The following NGF variants were observed in gnomAD, a reference collection of about 807,000 sequenced individuals.
NGF encodes beta-nerve growth factor.
A neutral mutation model predicts 12.8 loss-of-function variants in NGF; 4 were observed. The ratio of observed to expected loss-of-function variants is 0.31; its 90% CI spans 0.15 to 0.72. The LOEUF is 0.72. Ranked by LOEUF, NGF falls within the 30% of genes least tolerant of loss-of-function variation. NGF has a pLI of 0.69. For missense variants in NGF, 283 were observed against 330.8 expected (o/e 0.86, Z 1.12); for synonymous variants, 140 against 130.0 (o/e 1.08, Z -0.52).
At chr1:115,302,899 C>G (rs896839628) in intron 1 of NGF, among the ~76,000 whole-genome samples, 1 of 152,164 alleles carries the variant, frequency 6.6e-6, no homozygotes, top group African/African-American at 2.4e-5. Flanking sequence ...TGTGAGGATG[C>G]TTTTCCCCTT....
intron 1 of NGF, among the ~76,000 whole-genome samples, chr1:115,296,409 G>C (rs1237371160): frequency 6.6e-6 from 1 of 152,226 alleles, no homozygotes; most frequent in Non-Finnish European, 1.5e-5. Context: ...CTACAAGCTA[G>C]GATGGCCTCC....
intron 2 of NGF, among the ~76,000 whole-genome samples, chr1:115,287,136 C>T (rs558195452): frequency 2.0e-5 from 3 of 152,114 alleles, no homozygotes; most frequent in Non-Finnish European, 4.4e-5. Context: ...AAGCTTAAGG[C>T]GGCTGAGGGA....
intron 1 of NGF, among the ~76,000 whole-genome samples, chr1:115,329,645 T>A (rs4839028): frequency 5.8e-4 from 89 of 152,202 alleles, no homozygotes; most frequent in Middle Eastern, 3.4e-3. Flanking sequence ...TATTAATTTT[T>A]GAAAATGTTA....
chr1:115,309,506 A>G (rs1654287249), intron 1 of NGF, among the ~76,000 whole-genome samples: 1 of 152,194 alleles, frequency 6.6e-6, no homozygotes, highest in Admixed American at 6.5e-5. Context: ...TACACGTGCC[A>G]TGGTGGTTTG....
At position 115,286,265 on chromosome 1, in the gene NGF, G is replaced by C. The variant is rs1224585204; in HGVS notation, c.531C>G (p.Thr177=). 1.9e-6 allele frequency: 3 copies of C among 1,614,144 alleles called. No individual in the cohort carries two copies. In the East Asian group the frequency reaches 6.7e-5, roughly 36 times the overall value. ...NSVFKQYFFE[T]KCRDPNPVDS... ...CAACGGGATTTGGGTCCCGGCACTTGGTCTCAAAAAAGTACTGTTTGAATA... is the reference window on the plus strand; with the variant it reads ...CAACGGGATTTGGGTCCCGGCACTTCGTCTCAAAAAAGTACTGTTTGAATA... Residue 177 remains threonine, a synonymous_variant, in exon 3 of 3, where the codon ACC becomes ACG. Transcript: ENST00000369512.
chr1:115,332,291 T>C (rs1246245698), intron 1 of NGF, among the ~76,000 whole-genome samples: 2 of 152,198 alleles, frequency 1.3e-5, no homozygotes, highest in Non-Finnish European at 2.9e-5. Context: ...CCGTGAGTCT[T>C]CTCTTACCCA....
intron 1 of NGF, among the ~76,000 whole-genome samples, chr1:115,316,642 C>G (rs1654482624): frequency 6.6e-6 from 1 of 152,040 alleles, no homozygotes. Flanking sequence ...CAAAATCAAC[C>G]AACAAACTTA....
In NGF at chr1:115,333,685, CTTTCTTTCTTTCTTTCTTTCTTTCTTTCT is replaced by C. The variant is rs1330224398; in HGVS notation, c.-137+4490_-137+4518del. Among the ~76,000 whole-genome samples the C allele has an allele frequency of 5.0e-3, 284 of 57,198 alleles. 3 individuals are homozygous for C. The highest frequency in any genetic ancestry group is 0.046 in the African/African-American group (232 of 5,076). 37.5% of individuals were successfully genotyped at this position (57,198 alleles called of 152,430 possible). On this transcript the variant is annotated intron_variant, in intron 1 of 2. Transcript: ENST00000369512. ...TCTTTCTTTCTTTCTTTCTTTCTTTCTTTCTTTCTTTCTTTCTTTCTTTCTTTCTTTTCTTTCTTTCCTTCTTTCTTTCT... is the reference window on the plus strand; with the variant it reads ...TCTTTCTTTCTTTCTTTCTTTCTTTCTTTCTTTCTTTCCTTCTTTCTTTCT...
chr1:115,303,032 T>C (rs1342287410), intron 1 of NGF, among the ~76,000 whole-genome samples: 1 of 152,110 alleles, frequency 6.6e-6, no homozygotes, highest in Non-Finnish European at 1.5e-5. Flanking sequence ...AAAATAAGGC[T>C]TCAAACTTTG....
intron 1 of NGF, among the ~76,000 whole-genome samples, chr1:115,322,091 C>T (rs991219650): frequency 6.6e-6 from 1 of 152,168 alleles, no homozygotes; most frequent in African/African-American, 2.4e-5. Context: ...AGTTTTGGTA[C>T]CTTTGATCAT....
At chr1:115,302,424 T>C (rs1654064620) in intron 1 of NGF, among the ~76,000 whole-genome samples, 1 of 152,202 alleles carries the variant, frequency 6.6e-6, no homozygotes, top group Admixed American at 6.5e-5. Context: ...GAGAAGGCTA[T>C]GCTCCAGCCC....
At chr1:115,314,072 T>C (rs182974219) in intron 1 of NGF, among the ~76,000 whole-genome samples, 7 of 152,300 alleles carry the variant, frequency 4.6e-5, no homozygotes, top group African/African-American at 1.4e-4. Context: ...CTTAAACAAA[T>C]GGACACAATT....
chr1:115,337,267 G>GTTTGTTTGTTTTTTTTTTTTTTT, intron 1 of NGF, among the ~76,000 whole-genome samples: 11 of 81,030 alleles, frequency 1.4e-4, no homozygotes, highest in African/African-American at 4.2e-4. Flanking sequence ...TTTTGTTTTT[G>GTTTGTTTGTTTTTTTTTTTTTTT]TTTTTTTTTT....
In NGF at chr1:115,286,650, C is replaced by G; in HGVS notation, c.146G>C (p.Arg49Pro). The stretch of plus-strand genomic sequence containing the variant: ...CGCTGCCGGGGCGCTGCGGGCTCTG[C>G]GAAGGGCAGTGTCAAGGGAATGCTG... Reference protein sequence around the residue: ...KLQHSLDTALRRARSAPAAAI... With the variant: ...KLQHSLDTALPRARSAPAAAI... The change falls in exon 3 of 3, where the codon CGC becomes CCC. Residue 49 changes from arginine (R) to proline (P), a missense_variant. By Grantham distance (103) the Arg-to-Pro change is moderately radical. Around this residue, in one of 2 missense-constraint regions of NGF, gnomAD observed 151 missense variants for 141.6 expected, o/e 1.07. Coordinates refer to ENST00000369512, the MANE Select transcript of NGF (RefSeq NM_002506.3). The G allele has an allele frequency of 6.2e-7, 1 of 1,614,202 alleles. No homozygotes were observed. The highest frequency in any genetic ancestry group is 8.5e-7 in the Non-Finnish European group (1 of 1,180,040).
intron 1 of NGF, among the ~76,000 whole-genome samples, chr1:115,299,019 C>A (rs1653956053): frequency 6.6e-6 from 1 of 152,186 alleles, no homozygotes; most frequent in South Asian, 2.1e-4. Flanking sequence ...AATTTGAAAT[C>A]TTTTCTAGTA....
intron 1 of NGF, among the ~76,000 whole-genome samples, chr1:115,324,024 C>T (rs941609639): frequency 2.0e-5 from 3 of 152,182 alleles, no homozygotes; most frequent in African/African-American, 7.2e-5. Flanking sequence ...TGATCTATGA[C>T]CTGCCCTGCT....
chr1:115,305,984 T>G (rs892327655), intron 1 of NGF, among the ~76,000 whole-genome samples: 4 of 152,136 alleles, frequency 2.6e-5, no homozygotes, highest in Admixed American at 2.6e-4. Flanking sequence ...TGTTAATATT[T>G]CCATTCATGG....
At chr1:115,289,811 C>T (rs1460028410) in intron 2 of NGF, among the ~76,000 whole-genome samples, 1 of 152,136 alleles carries the variant, frequency 6.6e-6, no homozygotes, top group Non-Finnish European at 1.5e-5. Context: ...TTCATTCATC[C>T]ACTAGCTCCA....
In NGF at chr1:115,312,344, T is replaced by C. The variant is rs114985436; in HGVS notation, c.-136-18594A>G. ...TAATCAGTCAATCAACCAGTATTCA[T>C]TGGATGACCTACTGTGTGTCCAATC... On this transcript the variant is annotated intron_variant, in intron 1 of 2. Coordinates refer to ENST00000369512, the MANE Select transcript of NGF (RefSeq NM_002506.3). Among the ~76,000 whole-genome samples the C allele has an allele frequency of 3.1e-3, 468 of 152,326 alleles. 2 individuals carry two copies. The highest frequency in any genetic ancestry group is 0.011 in the African/African-American group (442 of 41,558).
Sources: gnomAD v4.1 joint callset for allele counts (sites outside exome capture counted in the v4.1 genomes callset) on GRCh38, gnomAD v4.1.1 for gene constraint, gnomAD v4.1.1 regional missense constraint, MANE v1.5 for transcripts, NCBI Gene and HGNC (gene_info 2026-07-23, HGNC 2026-07-21) for gene names.